Variants in GRM8 observed in about 807,000 individuals in gnomAD.
The protein encoded by GRM8 is metabotropic glutamate receptor 8.
In GRM8, 47 loss-of-function variants were observed where a neutral mutation model predicts 87.2. The ratio of observed to expected loss-of-function variants is 0.54; its 90% CI spans 0.43 to 0.69. The LOEUF (loss-of-function observed/expected upper bound fraction) is 0.69. Ranked by LOEUF, GRM8 falls within the 30% of genes least tolerant of loss-of-function variation. The pLI is 0.00. For synonymous variants in GRM8, 396 were observed against 404.5 expected (o/e 0.98, Z 0.25); for missense variants, 1,019 against 1,139.2 (o/e 0.89, Z 1.52).
intron 9 of GRM8, among the ~76,000 whole-genome samples, chr7:126,496,841 C>G (rs771644261): frequency 1.3e-5 from 2 of 150,996 alleles, no homozygotes; most frequent in Non-Finnish European, 2.9e-5. Context: ...CACAAAAAAG[C>G]CTTTTTAGAC....
At chr7:126,579,044 A>G (rs963313172) in intron 8 of GRM8, among the ~76,000 whole-genome samples, 1 of 152,200 alleles carries the variant, frequency 6.6e-6, no homozygotes, top group African/African-American at 2.4e-5. Flanking sequence ...AGTAGGTATG[A>G]AATGGTATTT....
intron 6 of GRM8, among the ~76,000 whole-genome samples, chr7:126,814,316 A>C (rs1423046127): frequency 6.6e-6 from 1 of 152,086 alleles, no homozygotes; most frequent in East Asian, 1.9e-4. Flanking sequence ...CATTAGAAAA[A>C]ACTGTTCTTG....
chr7:126,819,893 C>T (rs1324229216), intron 6 of GRM8, among the ~76,000 whole-genome samples: 2 of 151,860 alleles, frequency 1.3e-5, no homozygotes, highest in Admixed American at 6.6e-5. Context: ...AAAAAAATTC[C>T]ATAGCAGAGT....
At chr7:127,081,009 C>T (rs1822802518) in intron 3 of GRM8, 1 of 152,174 alleles carries the variant, frequency 6.6e-6, no homozygotes. Context: ...ATTCATCATT[C>T]AGTATCCCCT....
intron 3 of GRM8, among the ~76,000 whole-genome samples, chr7:127,021,921 GTCCT>G (rs1816314543): frequency 6.6e-6 from 1 of 151,986 alleles, no homozygotes; most frequent in Non-Finnish European, 1.5e-5. Flanking sequence ...ACAATTTTGT[GTCCT>G]TCCATTTCAG....
At chr7:126,467,944 T>C (rs1470156075) in intron 9 of GRM8, among the ~76,000 whole-genome samples, 2 of 152,198 alleles carry the variant, frequency 1.3e-5, no homozygotes, top group African/African-American at 4.8e-5. Flanking sequence ...ATTTTTTAAA[T>C]CATTTTCCAG....
intron 6 of GRM8, among the ~76,000 whole-genome samples, chr7:126,795,413 A>C (rs187150273): frequency 1.3e-5 from 2 of 152,288 alleles, no homozygotes; most frequent in Admixed American, 1.3e-4. Context: ...GTATCAACAT[A>C]AGACTCATCT....
intron 7 of GRM8, among the ~76,000 whole-genome samples, chr7:126,690,958 G>A (rs1488545317): frequency 6.6e-6 from 1 of 152,174 alleles, no homozygotes. Flanking sequence ...TCCATGGGCA[G>A]CCATGGGTGG....
intron 2 of GRM8, among the ~76,000 whole-genome samples, chr7:127,136,420 G>A (rs192498595): frequency 6.6e-6 from 1 of 152,202 alleles, no homozygotes. Context: ...CTCCTGGAAG[G>A]AAGCTAGTAT....
intron 6 of GRM8, among the ~76,000 whole-genome samples, chr7:126,887,760 G>A (rs144987954): frequency 6.2e-4 from 94 of 152,202 alleles, no homozygotes; most frequent in African/African-American, 2.1e-3. Context: ...CCAGGGGAAC[G>A]TGTGAGTCAT....
At chr7:127,128,154 A>G (rs1827476596) in intron 2 of GRM8, among the ~76,000 whole-genome samples, 2 of 152,250 alleles carry the variant, frequency 1.3e-5, no homozygotes, top group Non-Finnish European at 2.9e-5. Context: ...TACTCACCCA[A>G]TGATGCTCAA....
intron 3 of GRM8, among the ~76,000 whole-genome samples, chr7:127,002,882 A>C (rs1040030151): frequency 1.3e-5 from 2 of 151,680 alleles, no homozygotes; most frequent in African/African-American, 4.8e-5. Flanking sequence ...GCAACTTCTA[A>C]TACTACTACT....
intron 10 of GRM8, among the ~76,000 whole-genome samples, chr7:126,439,536 C>A (rs556064954): frequency 1.6e-4 from 24 of 152,232 alleles, no homozygotes; most frequent in Non-Finnish European, 3.2e-4. Flanking sequence ...CAATTATATA[C>A]AGTACATAGT....
intron 8 of GRM8, among the ~76,000 whole-genome samples, chr7:126,535,677 G>A (rs1815595722): frequency 6.6e-6 from 1 of 152,192 alleles, no homozygotes; most frequent in African/African-American, 2.4e-5. Flanking sequence ...CCATGGCAAT[G>A]GTGGGCATGT....
intron 6 of GRM8, among the ~76,000 whole-genome samples, chr7:126,894,176 T>C (rs560970728): frequency 6.6e-6 from 1 of 152,206 alleles, no homozygotes; most frequent in African/African-American, 2.4e-5. Context: ...ATGAATTGGT[T>C]CCCTCAACTG....
intron 6 of GRM8, among the ~76,000 whole-genome samples, chr7:126,856,727 C>G (rs1345037449): frequency 2.0e-5 from 3 of 152,118 alleles, no homozygotes; most frequent in Non-Finnish European, 4.4e-5. Flanking sequence ...CTAAACCAAG[C>G]AATGATAAAA....
intron 2 of GRM8, among the ~76,000 whole-genome samples, chr7:127,115,396 A>G (rs1160831024): frequency 1.3e-5 from 2 of 151,580 alleles, no homozygotes; most frequent in Non-Finnish European, 1.5e-5. Context: ...AATATTTTTG[A>G]CAGAAAATCT....
chr7:126,926,986 G>C (rs1385593045), intron 3 of GRM8, among the ~76,000 whole-genome samples: 3 of 152,186 alleles, frequency 2.0e-5, no homozygotes, highest in Non-Finnish European at 4.4e-5. Flanking sequence ...TGTATCTTCA[G>C]TGTCTTGCAG....
chr7:126,523,973 T>C (rs1338217647), intron 9 of GRM8, among the ~76,000 whole-genome samples: 3 of 152,188 alleles, frequency 2.0e-5, no homozygotes, highest in Non-Finnish European at 2.9e-5. Flanking sequence ...CAACGTAATA[T>C]CAATTCAAAA....
Sources: allele counts gnomAD v4.1 joint callset (sites outside exome capture counted in the v4.1 genomes callset), GRCh38; gene constraint gnomAD v4.1.1; transcripts MANE v1.5; gene names NCBI Gene and HGNC (gene_info 2026-07-23, HGNC 2026-07-21).